KCNH7: variants seen among roughly 807,000 people sequenced by gnomAD.
KCNH7 encodes the protein potassium voltage-gated channel subfamily H member 7, also known as voltage-gated inwardly rectifying potassium channel KCNH7.
KCNH7 carries 49 observed loss-of-function variants against 120.8 expected under a neutral mutation model. That is an observed-to-expected ratio of 0.41 (90% CI 0.32 to 0.51). KCNH7 has a LOEUF of 0.51. Among genes scored for constraint, KCNH7 ranks in the 20% least tolerant of loss-of-function variants. KCNH7 has a pLI of 0.38. For synonymous variants in KCNH7, 547 were observed against 516.1 expected (o/e 1.06, Z -0.81); for missense variants, 1,097 against 1,446.6 (o/e 0.76, Z 3.92).
Position 162,836,703 on chromosome 2 carries a change from C to A in KCNH7, c.141G>T (p.Gly47=), listed in dbSNP as rs557229729. Residue 47 remains glycine, a synonymous_variant, in exon 2 of 16, where the codon GGG becomes GGT. Coordinates refer to ENST00000332142, the MANE Select transcript of KCNH7 (RefSeq NM_033272.4). ...QNCAIIYCND[G]FCEMTGFSRP... ...TGGAGAAACCAGTCATCTCACAGAACCCATCGTTGCAATAAATGATGGCAC... is the reference window on the plus strand; with the variant it reads ...TGGAGAAACCAGTCATCTCACAGAAACCATCGTTGCAATAAATGATGGCAC... The A allele has an allele frequency of 3.4e-4, 555 of 1,614,084 alleles. 10 individuals are homozygous for A. In the South Asian group the frequency reaches 5.8e-3, roughly 17 times the overall value.
chr2:162,470,164 G>A (rs980255776), intron 6 of KCNH7, among the ~76,000 whole-genome samples: 3 of 151,976 alleles, frequency 2.0e-5, no homozygotes, highest in African/African-American at 7.3e-5. Context: ...CTGCCTGGCC[G>A]CCCATCGTCT....
At chr2:162,601,802 T>C (rs1559038761) in intron 2 of KCNH7, among the ~76,000 whole-genome samples, 3 of 152,216 alleles carry the variant, frequency 2.0e-5, no homozygotes, top group Middle Eastern at 6.8e-3. Flanking sequence ...AACCTTTTCA[T>C]GACATGTACC....
intron 7 of KCNH7, among the ~76,000 whole-genome samples, chr2:162,442,006 T>TC (rs1688434144): frequency 1.1e-5 from 1 of 89,680 alleles, no homozygotes; most frequent in East Asian, 3.0e-4. Context: ...CTTCTTTTTT[T>TC]TTTTTTTTTT....
intron 2 of KCNH7, among the ~76,000 whole-genome samples, chr2:162,664,702 T>C (rs1445901478): frequency 6.6e-6 from 1 of 152,132 alleles, no homozygotes; most frequent in Non-Finnish European, 1.5e-5. Flanking sequence ...CAATATATGA[T>C]GTCCTTTTAT....
At chr2:162,390,407 A>G (rs1686711307) in intron 12 of KCNH7, among the ~76,000 whole-genome samples, 1 of 151,858 alleles carries the variant, frequency 6.6e-6, no homozygotes, top group Non-Finnish European at 1.5e-5. Flanking sequence ...TAGAAGAATT[A>G]TTACTTCTAT....
chr2:162,581,532 G>C (rs1485944446), intron 2 of KCNH7, among the ~76,000 whole-genome samples: 1 of 152,036 alleles, frequency 6.6e-6, no homozygotes, highest in Non-Finnish European at 1.5e-5. Flanking sequence ...AGAGGCATTG[G>C]AGGTTATATC....
At chr2:162,543,631 T>G (rs1481899786) in intron 2 of KCNH7, among the ~76,000 whole-genome samples, 1 of 152,098 alleles carries the variant, frequency 6.6e-6, no homozygotes, top group African/African-American at 2.4e-5. Context: ...GTAGTAAATT[T>G]CTTGGATGTG....
At chr2:162,559,978 G>C (rs1478676799) in intron 2 of KCNH7, among the ~76,000 whole-genome samples, 4 of 152,180 alleles carry the variant, frequency 2.6e-5, no homozygotes, top group African/African-American at 7.2e-5. Context: ...AACAACCACA[G>C]TGGGCATTCG....
chr2:162,785,496 A>T (rs1683666591), intron 2 of KCNH7, among the ~76,000 whole-genome samples: 1 of 151,934 alleles, frequency 6.6e-6, no homozygotes, highest in Non-Finnish European at 1.5e-5. Context: ...CATTTCACTG[A>T]CTTTACTTTT....
At chr2:162,457,303 T>C (rs1261634330) in intron 6 of KCNH7, among the ~76,000 whole-genome samples, 1 of 152,038 alleles carries the variant, frequency 6.6e-6, no homozygotes, top group Non-Finnish European at 1.5e-5. Context: ...TTAATTGAAC[T>C]ATTACGAGGA....
intron 2 of KCNH7, among the ~76,000 whole-genome samples, chr2:162,789,039 G>A (rs1683822132): frequency 2.1e-5 from 3 of 142,562 alleles, no homozygotes; most frequent in African/African-American, 5.1e-5. Flanking sequence ...TGAGAATACT[G>A]TACCTAGCAA....
chr2:162,601,922 A>G (rs1694571590), intron 2 of KCNH7, among the ~76,000 whole-genome samples: 1 of 152,088 alleles, frequency 6.6e-6, no homozygotes, highest in Non-Finnish European at 1.5e-5. Flanking sequence ...TAGTTGTGAG[A>G]TAAAAAGAAA....
intron 2 of KCNH7, among the ~76,000 whole-genome samples, chr2:162,584,135 A>G (rs1693956246): frequency 6.6e-6 from 1 of 152,144 alleles, no homozygotes; most frequent in Non-Finnish European, 1.5e-5. Flanking sequence ...ATACATGCTT[A>G]CTGCATTTTA....
chr2:162,609,879 T>C (rs183919658), intron 2 of KCNH7, among the ~76,000 whole-genome samples: 1 of 152,162 alleles, frequency 6.6e-6, no homozygotes, highest in African/African-American at 2.4e-5. Context: ...GGGACAAACC[T>C]GCCAGCAGAT....
chr2:162,661,265 C>T (rs1022111527), intron 2 of KCNH7, among the ~76,000 whole-genome samples: 1 of 152,060 alleles, frequency 6.6e-6, no homozygotes, highest in Non-Finnish European at 1.5e-5. Flanking sequence ...TTTTATCCCT[C>T]AAATTTTCAG....
chr2:162,522,491 G>A (rs1424558781), intron 3 of KCNH7, among the ~76,000 whole-genome samples: 1 of 151,842 alleles, frequency 6.6e-6, no homozygotes, highest in Non-Finnish European at 1.5e-5. Context: ...CATCCGGAAA[G>A]AATGCACATT....
chr2:162,478,912 T>C (rs1267838618), intron 6 of KCNH7, among the ~76,000 whole-genome samples: 1 of 152,132 alleles, frequency 6.6e-6, no homozygotes, highest in East Asian at 1.9e-4. Flanking sequence ...CTCCAGAACA[T>C]GTCCTTAATC....
rs541881309 is a variant in KCNH7 at position 162,811,501 on chromosome 2, T to C, written c.307+25036A>G. On this transcript the variant is annotated intron_variant, in intron 2 of 15. Coordinates refer to ENST00000332142, the MANE Select transcript of KCNH7 (RefSeq NM_033272.4). ...GTCCCTATTTTACAACTGAGGATTTTACCCAACATCACATGACTCAAAAAT... is the reference window on the plus strand; with the variant it reads ...GTCCCTATTTTACAACTGAGGATTTCACCCAACATCACATGACTCAAAAAT... Among the ~76,000 whole-genome samples, 20 of 152,292 alleles carry C rather than the reference T, an allele frequency of 1.3e-4. No individual in the cohort carries two copies. In the South Asian group the frequency reaches 3.9e-3, roughly 30 times the overall value.
At chr2:162,773,527 G>A (rs1182320160) in intron 2 of KCNH7, among the ~76,000 whole-genome samples, 2 of 151,984 alleles carry the variant, frequency 1.3e-5, no homozygotes, top group African/African-American at 4.8e-5. Context: ...TTGCCAACTT[G>A]AAATAAATGT....
Sources: gnomAD v4.1 joint callset for allele counts (sites outside exome capture counted in the v4.1 genomes callset) on GRCh38, gnomAD v4.1.1 for gene constraint, MANE v1.5 for transcripts, NCBI Gene and HGNC (gene_info 2026-07-23, HGNC 2026-07-21) for gene names.